Variants in AHI1 observed in about 807,000 individuals in gnomAD.
The protein encoded by AHI1 is jouberin.
A neutral mutation model predicts 149.3 loss-of-function variants in AHI1; 123 were observed. The observed-to-expected ratio is 0.82, with a 90% CI of 0.71 to 0.96. The LOEUF is 0.96. AHI1 is among the 40% of genes least tolerant of loss of function. AHI1 has a pLI of 0.00. For synonymous variants in AHI1, 475 were observed against 459.8 expected, an observed-to-expected ratio of 1.03 and a Z score of -0.42; for missense variants, 1,439 against 1,422.7, an observed-to-expected ratio of 1.01 and a Z score of -0.18.
chr6:135,496,660 C>G lies in AHI1; in HGVS notation c.-140+528G>C, dbSNP rs533101966. Among the ~76,000 whole-genome samples, 372 of 152,230 alleles carry G rather than the reference C, an allele frequency of 2.4e-3. 2 individuals are homozygous for G. The highest frequency in any genetic ancestry group is 8.7e-3 in the African/African-American group (360 of 41,528). ...ATTTTACAGACAACCTGATTATCAG[C>G]CAATATGTGGCTCAATATCATTGGG... On this transcript the variant is annotated intron_variant, in intron 2 of 28. Transcript: ENST00000265602.
chr6:135,412,084 C>T (rs1005766158), intron 20 of AHI1, among the ~76,000 whole-genome samples: 1 of 151,370 alleles, frequency 6.6e-6, no homozygotes, highest in Non-Finnish European at 1.5e-5. Flanking sequence ...TTTTTTTTTA[C>T]ACATTCTCTT....
At chr6:135,438,184 G>C (rs1237313157) in intron 15 of AHI1, among the ~76,000 whole-genome samples, 191 bp downstream of exon 15, 1 of 152,060 alleles carries the variant, frequency 6.6e-6, no homozygotes, top group Non-Finnish European at 1.5e-5. Flanking sequence ...ATAAATAAAA[G>C]ACATTTAAGA....
At chr6:135,461,003 A>G (rs1388885263) in intron 8 of AHI1, among the ~76,000 whole-genome samples, 2 of 151,010 alleles carry the variant, frequency 1.3e-5, no homozygotes, top group East Asian at 1.9e-4. Context: ...AAATATCTTC[A>G]GAACTTAGGA....
chr6:135,468,402 A>T (rs894672117), intron 5 of AHI1, among the ~76,000 whole-genome samples: 2 of 151,988 alleles, frequency 1.3e-5, no homozygotes, highest in Non-Finnish European at 2.9e-5. Context: ...GACACAAAAA[A>T]CCCTTCAAAA....
rs558309187 is a variant in AHI1 at position 135,320,423 on chromosome 6, C to A, written c.3329-1807G>T. Among the ~76,000 whole-genome samples the A allele has an allele frequency of 3.3e-5, 5 of 152,308 alleles. No individual in the cohort carries two copies. The East Asian group carries it at 9.6e-4, about 29-fold the overall frequency. ...GCTTCAGAGGTCTGGCTTTGATCAT[C>A]ATGGAAGAAGAACAAATTTTATTAG... On this transcript the variant is annotated intron_variant, in intron 25 of 28. Transcript: ENST00000265602.
chr6:135,327,741 C>A (rs182052120), intron 24 of AHI1, among the ~76,000 whole-genome samples: 2 of 152,172 alleles, frequency 1.3e-5, no homozygotes, highest in South Asian at 4.2e-4. Context: ...TCCTTCCCCC[C>A]TCTACCCTGG....
intron 23 of AHI1, among the ~76,000 whole-genome samples, chr6:135,390,454 A>G (rs182963982): frequency 6.6e-6 from 1 of 152,076 alleles, no homozygotes; most frequent in Admixed American, 6.5e-5. Flanking sequence ...AAAGCTAGTA[A>G]AAAAAAGAAG....
At chr6:135,310,713 G>T (rs1420126398) in intron 26 of AHI1, among the ~76,000 whole-genome samples, 1 of 152,058 alleles carries the variant, frequency 6.6e-6, no homozygotes, top group Non-Finnish European at 1.5e-5. Flanking sequence ...TTTTAGAGAA[G>T]AATATAAGCA....
chr6:135,338,485 T>C (rs951181298), intron 24 of AHI1, among the ~76,000 whole-genome samples: 1 of 151,866 alleles, frequency 6.6e-6, no homozygotes, highest in Non-Finnish European at 1.5e-5. Context: ...CAGAAACAAA[T>C]GGAAAACTCT....
intron 21 of AHI1, among the ~76,000 whole-genome samples, chr6:135,407,292 T>C (rs971544941): frequency 3.3e-5 from 5 of 152,060 alleles, no homozygotes; most frequent in African/African-American, 1.2e-4. Flanking sequence ...AAAAAAGGAA[T>C]TTGGGGTCTA....
At chr6:135,352,771 T>C (rs1792350716) in intron 24 of AHI1, among the ~76,000 whole-genome samples, 1 of 148,568 alleles carries the variant, frequency 6.7e-6, no homozygotes, top group African/African-American at 2.5e-5. Flanking sequence ...TATGTGTGTG[T>C]ATACATATAT....
intron 7 of AHI1, among the ~76,000 whole-genome samples, chr6:135,463,574 T>C (rs1320384399): frequency 6.6e-6 from 1 of 152,156 alleles, no homozygotes; most frequent in Non-Finnish European, 1.5e-5. Flanking sequence ...ATTGTATTAA[T>C]ATTTTATGAG....
In AHI1 at chr6:135,394,865, G is replaced by A; in HGVS notation, c.3020C>T (p.Pro1007Leu). Residue 1007 changes from proline to leucine, a missense_variant, in exon 23 of 29, where the codon CCA (proline) becomes CTA (leucine). Physicochemically the swap from Pro to Leu is moderately conservative, Grantham distance 98 (BLOSUM62 -3). Coordinates refer to ENST00000265602, the MANE Select transcript of AHI1 (RefSeq NM_001134831.2). ...CTTAGACTGTTGTGAGGAAACTGCTGGTGGTGAAGTAAATGAGAGATTTTT... is the reference window on the plus strand; with the variant it reads ...CTTAGACTGTTGTGAGGAAACTGCTAGTGGTGAAGTAAATGAGAGATTTTT... ...VNKNLSFTSP[P>L]AVSSQQSKLK... is the part of the protein sequence containing the mutation. 1 of 1,603,092 alleles carries A rather than the reference G, an allele frequency of 6.2e-7. No homozygotes were observed. The highest frequency in any genetic ancestry group is 8.5e-7 in the Non-Finnish European group (1 of 1,174,060).
chr6:135,454,788 T>C (rs1788656294), intron 10 of AHI1, among the ~76,000 whole-genome samples: 1 of 152,118 alleles, frequency 6.6e-6, no homozygotes, highest in African/African-American at 2.4e-5. Context: ...AGACAAAAAA[T>C]TCCTTAAGAT....
Position 135,290,482 on chromosome 6 carries a change from T to C in AHI1, c.3529A>G (p.Ile1177Val). 10 of 1,613,906 alleles carry C rather than the reference T, an allele frequency of 6.2e-6. No individual in the cohort carries two copies. The highest frequency in any genetic ancestry group is 8.5e-6 in the Non-Finnish European group (10 of 1,179,782). Residue 1177 changes from isoleucine to valine, a missense_variant, in exon 28 of 29, where the codon ATA (isoleucine) becomes GTA (valine). By Grantham distance (29) the Ile-to-Val change is conservative. Transcript: ENST00000265602. The stretch of plus-strand genomic sequence containing the variant: ...TTCTTCCTCATCCGTGTATCCATTA[T>C]GTGTCCTTGGTCCTCATGGCTCTGT... ...KEQSHEDQGH[I>V]MDTRMRKNKQ...
rs1044032165 is a variant in AHI1, at chr6:135,326,621, C to T, written c.3166-3297G>A. Among the ~76,000 whole-genome samples, 46 of 151,680 alleles carry T rather than the reference C, an allele frequency of 3.0e-4. No individual in the cohort carries two copies. The South Asian group carries it at 7.5e-3, about 25-fold the overall frequency. On this transcript the variant is annotated intron_variant, in intron 24 of 28. Transcript: ENST00000265602. ...TCTTGCCCAGGCTGGAGTGCAGTGGCGCCATCTCGGCTCACTGCAACCTCT... is the reference window on the plus strand; with the variant it reads ...TCTTGCCCAGGCTGGAGTGCAGTGGTGCCATCTCGGCTCACTGCAACCTCT...
chr6:135,347,234 G>T (rs898626957), intron 24 of AHI1, among the ~76,000 whole-genome samples: 1 of 152,138 alleles, frequency 6.6e-6, no homozygotes, highest in African/African-American at 2.4e-5. Flanking sequence ...CACATTCCCT[G>T]CCTAATCCCA....
intron 23 of AHI1, among the ~76,000 whole-genome samples, chr6:135,381,912 T>C (rs946085137): frequency 1.3e-5 from 2 of 152,246 alleles, no homozygotes; most frequent in African/African-American, 4.8e-5. Flanking sequence ...ATGAAATGCT[T>C]CAATTAACTT....
In AHI1 at chr6:135,445,266, G is replaced by A. The variant is rs149234463; in HGVS notation, c.1779+1742C>T. On this transcript the variant is annotated intron_variant, in intron 13 of 28. Coordinates refer to ENST00000265602, the MANE Select transcript of AHI1 (RefSeq NM_001134831.2). ...GATGTTTGAATAAATTAAGATTTTG[G>A]ATAAATTTCATCTGGTAGCAGCTCA... Among the ~76,000 whole-genome samples, 381 of 152,226 alleles carry A rather than the reference G, an allele frequency of 2.5e-3. 1 individual carries two copies. The highest frequency in any genetic ancestry group is 9.0e-3 in the African/African-American group (373 of 41,538).
Sources: gnomAD v4.1 joint callset for allele counts (sites outside exome capture counted in the v4.1 genomes callset) on GRCh38, gnomAD v4.1.1 for gene constraint, MANE v1.5 for transcripts, NCBI Gene and HGNC (gene_info 2026-07-23, HGNC 2026-07-21) for gene names.